EMILIN1: variants seen among roughly 807,000 people sequenced by gnomAD.
EMILIN1 encodes EMILIN-1.
In EMILIN1, 49 loss-of-function variants were observed where a neutral mutation model predicts 82.4. The ratio of observed to expected loss-of-function variants is 0.59; its 90% CI spans 0.47 to 0.75. The LOEUF (loss-of-function observed/expected upper bound fraction) is 0.75, where lower values mean the gene tolerates loss of function less well. Among genes scored for constraint, EMILIN1 ranks in the 30% least tolerant of loss-of-function variants. The pLI, the probability that EMILIN1 is intolerant of heterozygous loss-of-function variation, is 0.00. For synonymous variants in EMILIN1, 604 were observed against 602.2 expected (o/e 1.00, Z -0.04); for missense variants, 1,313 against 1,366.4 (o/e 0.96, Z 0.62).
In EMILIN1 at chr2:27,085,792, T is replaced by C. The variant is rs1478153225; in HGVS notation, c.2828T>C (p.Val943Ala). 1.9e-6 allele frequency: 3 copies of C among 1,612,630 alleles called. No homozygotes were observed. Among genetic ancestry groups the C allele is most frequent in the South Asian group, 1.1e-5 (1 of 91,080 alleles). The change falls in exon 8 of 8, where the codon GTA (valine) becomes GCA (alanine). Residue 943 changes from valine (V) to alanine (A), a missense_variant. Val to Ala is a moderately conservative substitution (Grantham distance 64). Transcript: ENST00000380320. ...LSRSNQGVAR[V>A]DSGGYEPEGL... ...CGCTCCAACCAGGGCGTGGCCCGCG[T>C]AGACTCCGGTGGCTACGAGCCTGAG...
chr2:27,083,143 G>A lies in EMILIN1; in HGVS notation c.1572G>A (p.Ala524=), dbSNP rs759528710. Reference sequence around the variant, plus strand: ...CCGGCCTGCACACGGTGGAAGCAGCGGGGGAGGCCCGGCAGGCCACGCTGG... The same window carrying A: ...CCGGCCTGCACACGGTGGAAGCAGCAGGGGAGGCCCGGCAGGCCACGCTGG... ...VGSGLHTVEA[A]GEARQATLEG... is the part of the protein sequence containing the mutation. Residue 524 remains alanine (A), a synonymous_variant, in exon 4 of 8, where the codon GCG becomes GCA. Coordinates refer to ENST00000380320, the MANE Select transcript of EMILIN1 (RefSeq NM_007046.4). The A allele has an allele frequency of 3.5e-5, 56 of 1,595,358 alleles. No homozygotes were observed. The highest frequency in any genetic ancestry group is 2.4e-4 in the African/African-American group (18 of 74,622).
At position 27,085,213 on chromosome 2, in the gene EMILIN1, C is replaced by T; in HGVS notation, c.2629C>T (p.Leu877=). 2 of 1,614,186 alleles carry T rather than the reference C, an allele frequency of 1.2e-6. No individual in the cohort carries two copies. The highest frequency in any genetic ancestry group is 1.7e-6 in the Non-Finnish European group (2 of 1,180,044). ...GCCCCAAGTGGCATTTTCAGCTGCT[C>T]TGAGTTTGCCCCGGTCTGAACCAGG... is the stretch of plus-strand genomic sequence containing the variant. ...PVPQVAFSAA[L]SLPRSEPGTV... Residue 877 remains leucine (L), a synonymous_variant, in exon 7 of 8, where the codon CTG becomes TTG. Transcript: ENST00000380320.
At chr2:27,082,054 C>CTCTGGCT in intron 3 of EMILIN1, 29 bp from the exon 4 acceptor site, 1 of 1,564,490 alleles carries the variant, frequency 6.4e-7, no homozygotes, top group South Asian at 1.2e-5. Context: ...GGTCCAGCCC[C>CTCTGGCT]TCTGCCTTCT....
chr2:27,079,417 A>G (rs1244660394), intron 1 of EMILIN1, among the ~76,000 whole-genome samples, 182 bp downstream of exon 1: 1 of 152,088 alleles, frequency 6.6e-6, no homozygotes, highest in Non-Finnish European at 1.5e-5. Context: ...CCCTGAACAC[A>G]TATGTTCCTT....
rs10186315 is a variant in EMILIN1, at chr2:27,083,722, C to G, written c.2151C>G (p.Ala717=). ...GCCTAGAGGAGGGACAAGCACAGGC[C>G]GGCCAGTGCCCCAGCTTAGAGGGGC... ...FRGLEEGQAQ[A]GQCPSLEGRL... Residue 717 remains alanine, a synonymous_variant, in exon 4 of 8, where the codon GCC becomes GCG. Transcript: ENST00000380320. The G allele has an allele frequency of 5.4e-4, 867 of 1,613,838 alleles. 6 individuals carry two copies. In the African/African-American group the frequency reaches 0.01, roughly 19 times the overall value.
chr2:27,082,152 G>T lies in EMILIN1; in HGVS notation c.581G>T (p.Gly194Val), dbSNP rs1260241159. Residue 194 changes from glycine (G) to valine (V), a missense_variant, in exon 4 of 8, where the codon GGC becomes GTC. Physicochemically the swap from Gly to Val is moderately radical, Grantham distance 109. Coordinates refer to ENST00000380320, the MANE Select transcript of EMILIN1 (RefSeq NM_007046.4). ...CAGAGCCTGACCAAGGAGCTGCAAG[G>T]CCTGCGGGGCGTCCTGCAAGGACTG... ...QVQSLTKELQGLRGVLQGLSG... is the reference protein window; with the variant it reads ...QVQSLTKELQVLRGVLQGLSG... The T allele has an allele frequency of 6.2e-7, 1 of 1,613,782 alleles. No individual in the cohort carries two copies. The highest frequency in any genetic ancestry group is 8.5e-7 in the Non-Finnish European group (1 of 1,180,026).
rs765251009 is a variant in EMILIN1 at position 27,080,154 on chromosome 2, C to T, written c.174C>T (p.Asn58=). ...CCAGAGGGGGTTGTACCTACAGGAA[C>T]TGGTGTGCCTACGTGGTGACCCGGA... The part of the protein sequence containing the change: ...IAPRPASRHR[N]WCAYVVTRTV... The change falls in exon 2 of 8, where the codon AAC becomes AAT. Residue 58 remains asparagine, a synonymous_variant. Transcript: ENST00000380320. 4 of 1,613,876 alleles carry T rather than the reference C, an allele frequency of 2.5e-6. No individual in the cohort carries two copies. Among genetic ancestry groups the T allele is most frequent in the Non-Finnish European group, 3.4e-6 (4 of 1,179,896 alleles).
rs1463042018 is a variant in EMILIN1, at chr2:27,082,276, A to G, written c.705A>G (p.Glu235=). The G allele has an allele frequency of 1.2e-6, 2 of 1,613,078 alleles. No homozygotes were observed. The highest frequency in any genetic ancestry group is 1.7e-6 in the Non-Finnish European group (2 of 1,179,946). The change falls in exon 4 of 8, where the codon GAA becomes GAG. Residue 235 remains glutamate, a synonymous_variant. Coordinates refer to ENST00000380320, the MANE Select transcript of EMILIN1 (RefSeq NM_007046.4). The part of the protein sequence containing the change: ...ADAAARPGVH[E]TLNEIQHQLQ... ...CGGCTGCCCGCCCTGGGGTGCATGA[A>G]ACCCTCAATGAGATCCAGCACCAGC... is the stretch of plus-strand genomic sequence containing the variant.
In EMILIN1 at chr2:27,083,929, G is replaced by A. The variant is rs1357018812; in HGVS notation, c.2358G>A (p.Leu786=). The change falls in exon 4 of 8, where the codon CTG becomes CTA. Residue 786 remains leucine (L), a synonymous_variant. Coordinates refer to ENST00000380320, the MANE Select transcript of EMILIN1 (RefSeq NM_007046.4). The part of the protein sequence containing the change: ...LEKLVGGQAG[L]GRRLGALNSS... ...AGCTGGTCGGGGGACAGGCGGGCCT[G>A]GGCAGGCGGCTGGGTGCCCTTAACA... The A allele has an allele frequency of 6.3e-7, 1 of 1,599,480 alleles. No individual in the cohort carries two copies. The highest frequency in any genetic ancestry group is 1.7e-5 in the Admixed American group (1 of 58,698).
At position 27,083,664 on chromosome 2, in the gene EMILIN1, A is replaced by G; in HGVS notation, c.2093A>G (p.Glu698Gly). The G allele has an allele frequency of 6.2e-7, 1 of 1,612,974 alleles. No individual in the cohort carries two copies. The highest frequency in any genetic ancestry group is 2.2e-5 in the East Asian group (1 of 44,836). ...AACAGGCTGCAGCAGGAGGCCACAG[A>G]GCATGCTACAGAGAGTGAAGAGCGC... ...EINRLQQEAT[E>G]HATESEERFR... The change falls in exon 4 of 8, where the codon GAG (glutamate) becomes GGG (glycine). Residue 698 changes from glutamate (E) to glycine (G), a missense_variant. Transcript: ENST00000380320.
Position 27,081,380 on chromosome 2 carries a change from G to A in EMILIN1, c.511+428G>A, listed in dbSNP as rs529944337. 1.4e-3 allele frequency among the ~76,000 whole-genome samples: 208 copies of A among 152,250 alleles called. 1 individual carries two copies. Among genetic ancestry groups the A allele is most frequent in the African/African-American group, 4.6e-3 (192 of 41,552 alleles). On this transcript the variant is annotated intron_variant, in intron 3 of 7. Coordinates refer to ENST00000380320, the MANE Select transcript of EMILIN1 (RefSeq NM_007046.4). ...CTGACTACAGATCCCAGACCCCTCC[G>A]TGGCCTCTGGAGACCGCAGGTCCCA...
chr2:27,084,847 C>A (rs1669565990), intron 5 of EMILIN1, 144 bp from the exon 6 acceptor site: 2 of 776,856 alleles, frequency 2.6e-6, no homozygotes, highest in African/African-American at 1.7e-5. Flanking sequence ...TGGACCCTAC[C>A]TATTCCTGTT....
chr2:27,083,180 G>A lies in EMILIN1; in HGVS notation c.1609G>A (p.Glu537Lys). 6.2e-7 allele frequency: 1 copy of A among 1,611,086 alleles called. No homozygotes were observed. Among genetic ancestry groups the A allele is most frequent in the Non-Finnish European group, 8.5e-7 (1 of 1,178,318 alleles). The part of the protein sequence containing the change: ...ARQATLEGLQ[E>K]VVGRLQDRVD... ...GCAGGCCACGCTGGAGGGATTACAAGAGGTTGTGGGCCGGCTCCAGGATCG... is the reference window on the plus strand; with the variant it reads ...GCAGGCCACGCTGGAGGGATTACAAAAGGTTGTGGGCCGGCTCCAGGATCG... Residue 537 changes from glutamate to lysine, a missense_variant, in exon 4 of 8, where the codon GAG (glutamate) becomes AAG (lysine). Glu to Lys is a moderately conservative substitution (Grantham distance 56, BLOSUM62 1). Transcript: ENST00000380320.
chr2:27,083,350 C>CCGCCTTCGGGATGGTGTGGAG lies in EMILIN1; in HGVS notation c.1783_1803dup (p.Leu595_Arg601dup). ...GTGGCGGAGTCCAAGAGGAACTAGGCCGCCTTCGGGATGGTGTGGAGCGCT... is the reference window on the plus strand; with the variant it reads ...GTGGCGGAGTCCAAGAGGAACTAGGCCGCCTTCGGGATGGTGTGGAGCGCCTTCGGGATGGTGTGGAGCGCT... On this transcript the variant is annotated inframe_insertion, in exon 4 of 8. Transcript: ENST00000380320. The CCGCCTTCGGGATGGTGTGGAG allele has an allele frequency of 6.2e-7, 1 of 1,613,028 alleles. No homozygotes were observed. The highest frequency in any genetic ancestry group is 8.5e-7 in the Non-Finnish European group (1 of 1,179,922).
chr2:27,085,613 T>C, intron 7 of EMILIN1, 65 bp from the exon 8 acceptor site: 2 of 1,449,680 alleles, frequency 1.4e-6, no homozygotes, highest in Non-Finnish European at 1.9e-6. Flanking sequence ...CCCTCCTCAG[T>C]CCAGGAGTTC....
In EMILIN1 at chr2:27,083,926, C is replaced by T. The variant is rs1310676248; in HGVS notation, c.2355C>T (p.Gly785=). The T allele has an allele frequency of 1.9e-6, 3 of 1,600,920 alleles. No homozygotes were observed. The highest frequency in any genetic ancestry group is 1.7e-5 in the Admixed American group (1 of 58,858). The change falls in exon 4 of 8, where the codon GGC becomes GGT. Residue 785 remains glycine, a synonymous_variant. Transcript: ENST00000380320. ...LLEKLVGGQA[G]LGRRLGALNS... is the part of the protein sequence containing the mutation. The stretch of plus-strand genomic sequence containing the variant: ...AGAAGCTGGTCGGGGGACAGGCGGG[C>T]CTGGGCAGGCGGCTGGGTGCCCTTA...
At position 27,083,450 on chromosome 2, in the gene EMILIN1, G is replaced by A. The variant is rs1354099607; in HGVS notation, c.1879G>A (p.Asp627Asn). 4 of 1,612,876 alleles carry A rather than the reference G, an allele frequency of 2.5e-6. No homozygotes were observed. The highest frequency in any genetic ancestry group is 3.4e-6 in the Non-Finnish European group (4 of 1,179,932). Residue 627 changes from aspartate (D) to asparagine (N), a missense_variant, in exon 4 of 8, where the codon GAC becomes AAC. Transcript: ENST00000380320. ...TGGGGGCCCAAGCCGTGGGCCCCTG[G>A]ACGGCTTCAGCGTGTTTGGGGGCAG... ...GVGGPSRGPL[D>N]GFSVFGGSSG...
In EMILIN1 at chr2:27,086,152, G is replaced by C. The variant is rs1482302953; in HGVS notation, c.*137G>C. 1.6e-6 allele frequency: 1 copy of C among 610,642 alleles called. No individual in the cohort carries two copies. The highest frequency in any genetic ancestry group is 2.4e-6 in the Non-Finnish European group (1 of 413,474). 37.8% of individuals were successfully genotyped at this position (610,642 alleles called of 1,614,324 possible). A position where few individuals can be genotyped will look rare whatever the true frequency, so the allele number is the denominator to read the frequency against. On this transcript the variant is annotated 3_prime_UTR_variant, in exon 8 of 8. Coordinates refer to ENST00000380320, the MANE Select transcript of EMILIN1 (RefSeq NM_007046.4). ...GGCCCGCAGCGGCACCGCGCCCAGA[G>C]CGGCCTCTCCCCACGCCCGGGGCGC...
chr2:27,079,307 TCTG>T, intron 1 of EMILIN1, 72 bp downstream of exon 1: 1 of 1,306,504 alleles, frequency 7.7e-7, no homozygotes, highest in Non-Finnish European at 1.0e-6. Flanking sequence ...TGCCTGGCTC[TCTG>T]CTGTGTCCGC....
Sources: allele counts gnomAD v4.1 joint callset (sites outside exome capture counted in the v4.1 genomes callset), GRCh38; gene constraint gnomAD v4.1.1; transcripts MANE v1.5; gene names NCBI Gene and HGNC (gene_info 2026-07-23, HGNC 2026-07-21).